The following CKAP5 variants were observed in gnomAD, a reference collection of about 807,000 sequenced individuals.
CKAP5 encodes the protein cytoskeleton associated protein 5, also known as cytoskeleton-associated protein 5.
CKAP5 carries 27 observed loss-of-function variants against 232.8 expected under a neutral mutation model. That is an observed-to-expected ratio of 0.12 (90% CI 0.09 to 0.16). The LOEUF is 0.16. CKAP5 is among the 10% of genes least tolerant of loss of function. The pLI is 1.00. For synonymous variants in CKAP5, 785 were observed against 841.1 expected, an observed-to-expected ratio of 0.93 and a Z score of 1.16; for missense variants, 1,838 against 2,424.7, an observed-to-expected ratio of 0.76 and a Z score of 5.08.
chr11:46,750,682 T>C (rs946866841), intron 40 of CKAP5, 71 bp from the exon 41 acceptor site: 7 of 1,204,652 alleles, frequency 5.8e-6, no homozygotes, highest in Non-Finnish European at 8.4e-6. Context: ...TGGTTGGATA[T>C]GAACAGAAAA....
At chr11:46,778,631 A>C (rs1414623346) in intron 20 of CKAP5, 32 bp from the exon 21 acceptor site, 5 of 1,598,470 alleles carry the variant, frequency 3.1e-6, no homozygotes, top group Non-Finnish European at 4.3e-6. Context: ...AGGCTAATGA[A>C]ATTTATATAG....
intron 1 of CKAP5, among the ~76,000 whole-genome samples, chr11:46,845,182 G>T (rs1229752063): frequency 6.6e-6 from 1 of 152,192 alleles, no homozygotes; most frequent in Non-Finnish European, 1.5e-5. Context: ...TTTTCAGGGT[G>T]ATGAAAATGG....
chr11:46,763,178 T>C lies in CKAP5; in HGVS notation c.3689A>G (p.His1230Arg). ...HNKALAVMVD[H>R]LESEKEGVIG... ...AACTCCTTCTTTTTCACTCTCCAAG[T>C]GCTTAAAATAAAACAAAACAAAACT... The change falls in exon 30 of 44, where the codon CAC becomes CGC. Residue 1230 changes from histidine to arginine, a missense_variant and splice_region_variant. This residue lies in a region of CKAP5 where 48 missense variants were observed against 98.1 expected (regional missense o/e 0.49). Coordinates refer to ENST00000529230, the MANE Select transcript of CKAP5 (RefSeq NM_001008938.4). The C allele has an allele frequency of 6.3e-7, 1 of 1,599,720 alleles. No individual in the cohort carries two copies. Among genetic ancestry groups the C allele is most frequent in the South Asian group, 1.1e-5 (1 of 88,876 alleles).
chr11:46,805,040 A>AAC (rs1397894371), intron 8 of CKAP5, among the ~76,000 whole-genome samples: 1 of 151,380 alleles, frequency 6.6e-6, no homozygotes, highest in East Asian at 1.9e-4. Flanking sequence ...GTTCAAGACC[A>AAC]ACATGATGAA....
chr11:46,754,006 G>GTT (rs962091128), intron 36 of CKAP5, among the ~76,000 whole-genome samples: 7 of 147,112 alleles, frequency 4.8e-5, no homozygotes, highest in African/African-American at 1.7e-4. Flanking sequence ...GAAATTTTTT[G>GTT]TTTTTTTTTT....
chr11:46,761,560 C>G (rs2134590238), intron 32 of CKAP5, among the ~76,000 whole-genome samples: 1 of 152,298 alleles, frequency 6.6e-6, no homozygotes, highest in East Asian at 1.9e-4. Context: ...AATAAGAGGT[C>G]AGAGGCAGAA....
chr11:46,764,602 TA>T (rs1023750349), intron 28 of CKAP5, among the ~76,000 whole-genome samples: 5 of 152,184 alleles, frequency 3.3e-5, no homozygotes, highest in Non-Finnish European at 5.9e-5. Context: ...AGGTATAAAA[TA>T]TTTCTGGAGT....
At chr11:46,845,124 A>C (rs1463923061) in intron 1 of CKAP5, among the ~76,000 whole-genome samples, 1 of 152,222 alleles carries the variant, frequency 6.6e-6, no homozygotes, top group Non-Finnish European at 1.5e-5. Flanking sequence ...TTAAAGTTTC[A>C]AAAGATTCTT....
chr11:46,786,708 C>A (rs879670597), intron 16 of CKAP5, among the ~76,000 whole-genome samples: 2 of 152,136 alleles, frequency 1.3e-5, no homozygotes, highest in Non-Finnish European at 2.9e-5. Flanking sequence ...CCAGGAAAGA[C>A]TGAAAAGGGC....
At chr11:46,751,307 C>T (rs1277202466) in intron 39 of CKAP5, 39 bp downstream of exon 39, 3 of 1,614,098 alleles carry the variant, frequency 1.9e-6, no homozygotes, top group East Asian at 4.5e-5. Context: ...ATGATTTTCT[C>T]TCAAGCTCCC....
intron 23 of CKAP5, 80 bp from the exon 24 acceptor site, chr11:46,776,463 A>G (rs181672437): frequency 1.5e-4 from 173 of 1,192,160 alleles, no homozygotes; most frequent in Non-Finnish European, 1.9e-4. Flanking sequence ...CTTTATGAAC[A>G]TGAACAATGG....
At chr11:46,822,023 A>G (rs529570270) in intron 1 of CKAP5, among the ~76,000 whole-genome samples, 1 of 152,238 alleles carries the variant, frequency 6.6e-6, no homozygotes, top group Admixed American at 6.5e-5. Context: ...TGGGCGACAG[A>G]GTAAGACTCC....
At chr11:46,803,456 C>T (rs1939083204) in intron 8 of CKAP5, among the ~76,000 whole-genome samples, 1 of 151,912 alleles carries the variant, frequency 6.6e-6, no homozygotes, top group Non-Finnish European at 1.5e-5. Flanking sequence ...TTTGTAGAAA[C>T]AGAGTTTCTT....
chr11:46,753,794 G>A (rs1389837261), intron 36 of CKAP5, among the ~76,000 whole-genome samples: 3 of 151,074 alleles, frequency 2.0e-5, no homozygotes, highest in East Asian at 2.0e-4. Flanking sequence ...GGGTTTCACC[G>A]TGTTAGCCAG....
intron 25 of CKAP5, 107 bp downstream of exon 25, chr11:46,770,681 G>A (rs928393502): frequency 4.1e-5 from 40 of 986,948 alleles, no homozygotes; most frequent in East Asian, 1.8e-4. Flanking sequence ...CACCTGTCTC[G>A]GCCTCCCAAA....
In CKAP5 at chr11:46,743,391, A is replaced by AAGAC. The variant is rs1354169035; in HGVS notation, c.*628_*631dup. ...AGTTCCTTCCATTCCAAAGGAATAA[A>AAGAC]AGACAGCTCCAAGTCTGTGAGCCAA... On this transcript the variant is annotated 3_prime_UTR_variant, in exon 44 of 44. Coordinates refer to ENST00000529230, the MANE Select transcript of CKAP5 (RefSeq NM_001008938.4). The AAGAC allele has an allele frequency of 6.6e-6, 1 of 152,638 alleles. No homozygotes were observed. Among genetic ancestry groups the AAGAC allele is most frequent in the Non-Finnish European group, 1.5e-5 (1 of 68,294 alleles). The allele number at this position is 152,638 out of a possible 1,614,324, so 9.5% of individuals were successfully genotyped here.
intron 18 of CKAP5, among the ~76,000 whole-genome samples, chr11:46,782,303 TAATAAATG>T (rs1178036413): frequency 6.6e-6 from 1 of 152,200 alleles, no homozygotes; most frequent in Non-Finnish European, 1.5e-5. Flanking sequence ...TGTAATTGTT[TAATAAATG>T]AATAAATGAA....
rs372896887 is a variant in CKAP5, at chr11:46,802,553, G to GACACAC, written c.979-1250_979-1249insGTGTGT. ...AGCAAGACAGACAGACAGACAGACA[G>GACACAC]ACAGACACACACACACACACACACA... is the stretch of plus-strand genomic sequence containing the variant. On this transcript the variant is annotated intron_variant, in intron 8 of 43. Transcript: ENST00000529230. Among the ~76,000 whole-genome samples, 835 of 142,484 alleles carry GACACAC rather than the reference G, an allele frequency of 5.9e-3. 4 individuals carry two copies. The highest frequency in any genetic ancestry group is 0.017 in the African/African-American group (608 of 36,480). The allele number at this position is 142,484 out of a possible 152,430, so 93.5% of individuals were successfully genotyped here.
At chr11:46,751,027 T>C (rs2065060494) in intron 40 of CKAP5, 91 bp downstream of exon 40, 1 of 1,501,566 alleles carries the variant, frequency 6.7e-7, no homozygotes, top group South Asian at 1.2e-5. Flanking sequence ...CCTTGGACCT[T>C]CGGAAAGCAT....
Sources: allele counts gnomAD v4.1 joint callset (sites outside exome capture counted in the v4.1 genomes callset), GRCh38; gene constraint gnomAD v4.1.1; regional missense constraint gnomAD v4.1.1; transcripts MANE v1.5; gene names NCBI Gene and HGNC (gene_info 2026-07-23, HGNC 2026-07-21).